ENTPD6: variants seen among roughly 807,000 people sequenced by gnomAD.
The protein encoded by ENTPD6 is CD39 antigen-like 2.
ENTPD6 carries 46 observed loss-of-function variants against 61.5 expected under a neutral mutation model. The ratio of observed to expected loss-of-function variants is 0.75; its 90% CI spans 0.59 to 0.96. ENTPD6 has a LOEUF of 0.96. Among genes scored for constraint, ENTPD6 ranks in the 40% least tolerant of loss-of-function variants. The pLI is 0.00. For synonymous variants in ENTPD6, 252 were observed against 255.5 expected (o/e 0.99, Z 0.13); for missense variants, 612 against 629.0 (o/e 0.97, Z 0.29).
chr20:25,224,157 G>C lies in ENTPD6; in HGVS notation c.1243G>C (p.Val415Leu), dbSNP rs746569411. The change falls in exon 13 of 15, where the codon GTG becomes CTG. Residue 415 changes from valine (V) to leucine (L), a missense_variant and splice_region_variant. Coordinates refer to ENST00000376652, the MANE Select transcript of ENTPD6 (RefSeq NM_001247.5). ...GGACTTCGAGATCGCAGCCAAGTAC[G>C]GTGAGTGATGCTGCAGGGGCCATCT... is the stretch of plus-strand genomic sequence containing the variant. Reference protein sequence around the residue: ...VGDFEIAAKYVCRTLETQPQS... With the variant: ...VGDFEIAAKYLCRTLETQPQS... 2 of 1,611,462 alleles carry C rather than the reference G, an allele frequency of 1.2e-6. No individual in the cohort carries two copies. The highest frequency in any genetic ancestry group is 1.7e-5 in the Admixed American group (1 of 59,764).
chr20:25,225,428 G>A (rs1034772766), intron 14 of ENTPD6, 71 bp from the exon 15 acceptor site: 1 of 1,580,788 alleles, frequency 6.3e-7, no homozygotes, highest in African/African-American at 1.3e-5. Context: ...CTTCCAAGGA[G>A]CCACAGCCTC....
chr20:25,199,554 GCATTAAGTA>G (rs1161680865), intron 1 of ENTPD6, among the ~76,000 whole-genome samples: 1 of 152,116 alleles, frequency 6.6e-6, no homozygotes, highest in Non-Finnish European at 1.5e-5. Flanking sequence ...CAGTTCTGTG[GCATTAAGTA>G]CATTCACAAC....
intron 12 of ENTPD6, among the ~76,000 whole-genome samples, chr20:25,223,493 T>C (rs2123356859): frequency 6.6e-6 from 1 of 152,270 alleles, no homozygotes. Flanking sequence ...GTCACTATCA[T>C]GGTGAGATCA....
chr20:25,214,608 C>T (rs904333021), intron 5 of ENTPD6: 5 of 457,780 alleles, frequency 1.1e-5, no homozygotes, highest in Non-Finnish European at 2.0e-5. Flanking sequence ...AACACACTCA[C>T]AGAACATGGC....
At chr20:25,224,395 C>G (rs2179638) in intron 13 of ENTPD6, 65,342 of 378,204 alleles carry the variant, frequency 0.17, 6,334 homozygotes, top group East Asian at 0.32. Flanking sequence ...AGGGTAACCC[C>G]AAGAGTGATT....
intron 12 of ENTPD6, 68 bp from the exon 13 acceptor site, chr20:25,224,033 G>C: frequency 6.7e-7 from 1 of 1,482,168 alleles, no homozygotes; most frequent in Non-Finnish European, 9.3e-7. Context: ...CCCCGTGCCA[G>C]CCTCACGTCT....
rs1480210495 is a variant in ENTPD6, at chr20:25,222,871, T to G, written c.1079T>G (p.Val360Gly). 1.2e-6 allele frequency: 2 copies of G among 1,613,854 alleles called. No individual in the cohort carries two copies. Among genetic ancestry groups the G allele is most frequent in the Non-Finnish European group, 1.7e-6 (2 of 1,180,016 alleles). ...CTGCACGAGCTGTGTGCTGCCAGAG[T>G]GTCAGAGGTCCTTCAAAACAGAGTG... is the stretch of plus-strand genomic sequence containing the variant. ...ASLHELCAARVSEVLQNRVHR... is the reference protein window; with the variant it reads ...ASLHELCAARGSEVLQNRVHR... Residue 360 changes from valine to glycine, a missense_variant, in exon 12 of 15, where the codon GTG becomes GGG. Transcript: ENST00000376652.
In ENTPD6 at chr20:25,225,223, C is replaced by G. The variant is rs1260998416; in HGVS notation, c.1262C>G (p.Thr421Arg). The G allele has an allele frequency of 1.9e-6, 3 of 1,613,130 alleles. No individual in the cohort carries two copies. The African/African-American group carries it at 4.0e-5, about 22-fold the overall frequency. The part of the protein sequence containing the change: ...AAKYVCRTLE[T>R]QPQSSPFSCM... ...TCCCCAGTGTGTCGGACCCTGGAGACACAGCCGCAGAGCAGCCCCTTCTCA... is the reference window on the plus strand; with the variant it reads ...TCCCCAGTGTGTCGGACCCTGGAGAGACAGCCGCAGAGCAGCCCCTTCTCA... The change falls in exon 14 of 15, where the codon ACA (threonine) becomes AGA (arginine). Residue 421 changes from threonine (T) to arginine (R), a missense_variant. Coordinates refer to ENST00000376652, the MANE Select transcript of ENTPD6 (RefSeq NM_001247.5).
chr20:25,220,886 C>T (rs2092606928), intron 10 of ENTPD6, among the ~76,000 whole-genome samples: 1 of 152,242 alleles, frequency 6.6e-6, no homozygotes, highest in Non-Finnish European at 1.5e-5. Flanking sequence ...GCCCTGCCAC[C>T]AACCTACCAG....
At position 25,226,573 on chromosome 20, in the gene ENTPD6, CAG is replaced by C. The variant is rs1313024259; in HGVS notation, c.*977_*978del. 6.5e-6 allele frequency: 1 copy of C among 152,694 alleles called. No individual in the cohort carries two copies. The highest frequency in any genetic ancestry group is 1.5e-5 in the Non-Finnish European group (1 of 68,206). 9.5% of individuals were successfully genotyped at this position (152,694 alleles called of 1,614,324 possible). A position where few individuals can be genotyped will look rare whatever the true frequency, so the allele number is the denominator to read the frequency against. ...GGGCTGACCCCACCTCCTCCATGGA[CAG>C]TGTGAGCCCCGGGCCGTGCATCCTG... On this transcript the variant is annotated 3_prime_UTR_variant, in exon 15 of 15. Coordinates refer to ENST00000376652, the MANE Select transcript of ENTPD6 (RefSeq NM_001247.5).
chr20:25,219,381 T>C (rs1214848470), intron 10 of ENTPD6, among the ~76,000 whole-genome samples: 1 of 152,226 alleles, frequency 6.6e-6, no homozygotes, highest in Non-Finnish European at 1.5e-5. Context: ...TCTCTCTCGC[T>C]CATGATTCCA....
chr20:25,227,423 G>A lies in ENTPD6; in HGVS notation c.*1826G>A, dbSNP rs2092815726. Among the ~76,000 whole-genome samples, 1 of 152,180 alleles carries A rather than the reference G, an allele frequency of 6.6e-6. No homozygotes were observed. Among genetic ancestry groups the A allele is most frequent in the Non-Finnish European group, 1.5e-5 (1 of 68,032 alleles). On this transcript the variant is annotated 3_prime_UTR_variant, in exon 15 of 15. Transcript: ENST00000376652. ...ATTTAAAGAAGGTCGGTGACCTCAT[G>A]CCTGAAAAAGGCAAACAACTGGAAG...
At chr20:25,215,780 C>A (rs41308643) in intron 7 of ENTPD6, 69 bp downstream of exon 7, 14 of 1,482,032 alleles carry the variant, frequency 9.4e-6, no homozygotes, top group African/African-American at 1.4e-5. Context: ...CTGGGCCTTT[C>A]GAGAGCAGGA....
chr20:25,225,329 C>A lies in ENTPD6; in HGVS notation c.1356+12C>A, dbSNP rs761696053. 3.7e-6 allele frequency: 6 copies of A among 1,612,198 alleles called. No homozygotes were observed. In the East Asian group the frequency reaches 1.1e-4, roughly 30 times the overall value. On this transcript the variant is annotated intron_variant, in intron 14 of 14. Coordinates refer to ENST00000376652, the MANE Select transcript of ENTPD6 (RefSeq NM_001247.5). ...GCAAAGTGCTGAAGGTAAGGGTGCC[C>A]TCAGGTCACGCCCCAGCCCCTTTAT...
In ENTPD6 at chr20:25,214,632, G is replaced by T. The variant is rs1052971192; in HGVS notation, c.598-235G>T. 1.2e-4 allele frequency: 60 copies of T among 505,976 alleles called. 1 individual carries two copies. The highest frequency in any genetic ancestry group is 1.1e-3 in the South Asian group (53 of 47,626). 31.3% of individuals were successfully genotyped at this position (505,976 alleles called of 1,614,324 possible). A position where few individuals can be genotyped will look rare whatever the true frequency, so the allele number is the denominator to read the frequency against. On this transcript the variant is annotated intron_variant, in intron 5 of 14. Transcript: ENST00000376652. ...ACAGAACATGGCAGGTGCCCCTGGGGTTTCGTTACTGCCTGCCAATAGCAT... is the reference window on the plus strand; with the variant it reads ...ACAGAACATGGCAGGTGCCCCTGGGTTTTCGTTACTGCCTGCCAATAGCAT...
rs1441762675 is a variant in ENTPD6 at position 25,226,429 on chromosome 20, A to ATTGTGAG, written c.*832_*833insTTGTGAG. 6.6e-6 allele frequency: 1 copy of ATTGTGAG among 152,436 alleles called. No homozygotes were observed. Among genetic ancestry groups the ATTGTGAG allele is most frequent in the Non-Finnish European group, 1.5e-5 (1 of 68,066 alleles). 9.4% of individuals were successfully genotyped at this position (152,436 alleles called of 1,614,324 possible). A position where few individuals can be genotyped will look rare whatever the true frequency, so the allele number is the denominator to read the frequency against. On this transcript the variant is annotated 3_prime_UTR_variant, in exon 15 of 15. Transcript: ENST00000376652. ...AACTGTGTCCTGTGAATGTATCGCT[A>ATTGTGAG]CTGTGAGCTGTTCCCGCCTAGCCAG...
rs1344539312 is a variant in ENTPD6 at position 25,218,409 on chromosome 20, GCT to G, written c.879-140_879-139del. 668 of 715,846 alleles carry G rather than the reference GCT, an allele frequency of 9.3e-4. 7 individuals carry two copies. The highest frequency in any genetic ancestry group is 9.2e-5 in the Non-Finnish European group (38 of 413,258). The allele number at this position is 715,846 out of a possible 1,614,324, so 44.3% of individuals were successfully genotyped here. A position where few individuals can be genotyped will look rare whatever the true frequency, so the allele number is the denominator to read the frequency against. On this transcript the variant is annotated intron_variant, in intron 9 of 14. Transcript: ENST00000376652. The stretch of plus-strand genomic sequence containing the variant: ...AGTTTCCTCAACTCTACAGAAACAG[GCT>G]TTTAGAAGGAGCAGAGAAGCTCACT...
intron 1 of ENTPD6, among the ~76,000 whole-genome samples, chr20:25,206,051 C>G (rs902209493): frequency 6.6e-6 from 1 of 152,262 alleles, no homozygotes; most frequent in Non-Finnish European, 1.5e-5. Context: ...GCATGTGGCA[C>G]GTGCTTTCCC....
At chr20:25,213,457 A>G (rs761897379) in intron 5 of ENTPD6, 51 bp downstream of exon 5, 2 of 1,539,166 alleles carry the variant, frequency 1.3e-6, no homozygotes, top group Non-Finnish European at 1.7e-6. Flanking sequence ...GGGGCAACTG[A>G]TGACTGAAAA....
Sources: allele counts gnomAD v4.1 joint callset (sites outside exome capture counted in the v4.1 genomes callset), GRCh38; gene constraint gnomAD v4.1.1; transcripts MANE v1.5; gene names NCBI Gene and HGNC (gene_info 2026-07-23, HGNC 2026-07-21).